Variants in DPP6 observed in about 807,000 individuals in gnomAD.
DPP6 encodes the protein dipeptidyl peptidase like 6.
Under a neutral mutation model 122.6 loss-of-function variants are expected in DPP6, and 69 were observed. That is an observed-to-expected ratio of 0.56 (90% CI 0.46 to 0.69). The LOEUF is 0.69. Ranked by LOEUF, DPP6 falls within the 30% of genes least tolerant of loss-of-function variation. The probability of loss-of-function intolerance (pLI) is 0.00; values close to 1 mark genes in which losing one functional copy is unlikely to be tolerated. For synonymous variants in DPP6, 418 were observed against 433.1 expected, an observed-to-expected ratio of 0.97 and a Z score of 0.43; for missense variants, 928 against 1,116.9, an observed-to-expected ratio of 0.83 and a Z score of 2.41.
intron 6 of DPP6, among the ~76,000 whole-genome samples, chr7:154,644,824 G>T (rs369531143): frequency 1.1e-4 from 16 of 148,486 alleles, no homozygotes; most frequent in African/African-American, 3.7e-4. Flanking sequence ...TTCTTCTACC[G>T]CAGCCTCCTG....
intron 1 of DPP6, among the ~76,000 whole-genome samples, chr7:154,287,687 C>G (rs1355416144): frequency 1.3e-5 from 2 of 152,210 alleles, no homozygotes; most frequent in African/African-American, 4.8e-5. Context: ...CTCGGCCACA[C>G]TTCTGAGATT....
In DPP6 at chr7:154,060,563, G is replaced by T. The variant is rs1221487676; in HGVS notation, c.243+7500G>T. 1.5e-5 allele frequency among the ~76,000 whole-genome samples: 2 copies of T among 136,224 alleles called. 1 individual carries two copies. Among genetic ancestry groups the T allele is most frequent in the African/African-American group, 5.8e-5 (2 of 34,274 alleles). 89.4% of individuals were successfully genotyped at this position (136,224 alleles called of 152,430 possible). On this transcript the variant is annotated intron_variant, in intron 1 of 25. Coordinates refer to ENST00000377770, the MANE Select transcript of DPP6 (RefSeq NM_130797.4). The stretch of plus-strand genomic sequence containing the variant: ...AGTAGAAAGTTCAAATCTTCCGACG[G>T]CAGGTACCTTACGTGGGATTACTGA...
At chr7:154,725,230 C>T (rs1196430641) in intron 7 of DPP6, among the ~76,000 whole-genome samples, 9 of 152,134 alleles carry the variant, frequency 5.9e-5, no homozygotes, top group Admixed American at 2.0e-4. Flanking sequence ...TGTCCCAGCC[C>T]GTCAATCTTA....
chr7:153,775,505 A>C, the DPP6 span, among the ~76,000 whole-genome samples: 1 of 151,946 alleles, frequency 6.6e-6, no homozygotes, highest in South Asian at 2.1e-4. Context: ...ATCATACTAG[A>C]AGTCCTAGTT....
chr7:153,838,647 G>A, the DPP6 span, among the ~76,000 whole-genome samples: 7 of 152,164 alleles, frequency 4.6e-5, no homozygotes, highest in African/African-American at 7.2e-5. Flanking sequence ...GTGAAATAGC[G>A]TATAGTAAGT....
the DPP6 span, among the ~76,000 whole-genome samples, chr7:153,803,913 G>C: frequency 5.3e-5 from 8 of 151,254 alleles, no homozygotes; most frequent in Admixed American, 5.3e-4. Context: ...TTCTTTGAAG[G>C]ACCCTAATAC....
intron 1 of DPP6, among the ~76,000 whole-genome samples, chr7:154,163,389 G>A (rs1017724205): frequency 2.0e-5 from 3 of 152,140 alleles, no homozygotes; most frequent in African/African-American, 7.2e-5. Flanking sequence ...GCTTTTTGTT[G>A]TAATTGTTTT....
intron 7 of DPP6, among the ~76,000 whole-genome samples, chr7:154,672,845 G>A (rs375896796): frequency 3.9e-5 from 6 of 152,186 alleles, no homozygotes; most frequent in Non-Finnish European, 5.9e-5. Context: ...ATAGTTTCTA[G>A]CACAATGACT....
chr7:153,903,684 G>A (rs956273897), intron 1 of DPP6, among the ~76,000 whole-genome samples: 1 of 152,154 alleles, frequency 6.6e-6, no homozygotes, highest in African/African-American at 2.4e-5. Context: ...AAGCTTATCC[G>A]ATGTTTCCAT....
chr7:154,642,933 A>G (rs186851202), intron 6 of DPP6, among the ~76,000 whole-genome samples: 1 of 152,346 alleles, frequency 6.6e-6, no homozygotes, highest in East Asian at 1.9e-4. Context: ...GATATATGCA[A>G]AACACCCAGC....
intron 7 of DPP6, among the ~76,000 whole-genome samples, chr7:154,726,429 C>G (rs1417415546): frequency 6.6e-6 from 1 of 152,246 alleles, no homozygotes; most frequent in Non-Finnish European, 1.5e-5. Flanking sequence ...GTGGAAGCCA[C>G]CAAGACTTGG....
Position 154,877,341 on chromosome 7 carries a change from G to A in DPP6, c.2078+1241G>A, listed in dbSNP as rs1032249140. 2.6e-5 allele frequency among the ~76,000 whole-genome samples: 4 copies of A among 152,094 alleles called. No individual in the cohort carries two copies. Among genetic ancestry groups the A allele is most frequent in the Non-Finnish European group, 4.4e-5 (3 of 68,014 alleles). On this transcript the variant is annotated intron_variant, in intron 20 of 25. Transcript: ENST00000377770. The surrounding 1 kb of genome is among the most constrained non-coding windows in gnomAD (Gnocchi z 5.2). ...AGCTCTCAGGACTCAGATACTCAGG[G>A]AAGGAGTGTCTGCCAGGATGCCTTT...
chr7:154,008,786 C>T lies in DPP6; in HGVS notation c.51+121052C>T, dbSNP rs1236488710. The stretch of plus-strand genomic sequence containing the variant: ...ACGCCATTCTCCTGCCTCAGCCTCC[C>T]GAGTAGCTGGGACTACAGGCGCCCG... On this transcript the variant is annotated intron_variant, in intron 1 of 25. Transcript: ENST00000404039. Among the ~76,000 whole-genome samples the T allele has an allele frequency of 2.2e-3, 335 of 150,880 alleles. 2 individuals carry two copies. Among genetic ancestry groups the T allele is most frequent in the African/African-American group, 7.5e-3 (311 of 41,242 alleles).
intron 1 of DPP6, among the ~76,000 whole-genome samples, chr7:154,335,469 A>G (rs981381641): frequency 3.9e-5 from 6 of 152,250 alleles, no homozygotes; most frequent in Admixed American, 2.6e-4. Flanking sequence ...ACACACAACT[A>G]ACCTATAAAC....
chr7:154,333,311 A>T (rs974696652), intron 1 of DPP6, among the ~76,000 whole-genome samples: 4 of 152,044 alleles, frequency 2.6e-5, no homozygotes, highest in Non-Finnish European at 2.9e-5. Context: ...GGCAGTCTTT[A>T]ATGTGAAAGG....
chr7:154,133,029 G>T (rs971361682), intron 1 of DPP6, among the ~76,000 whole-genome samples: 17 of 151,928 alleles, frequency 1.1e-4, no homozygotes, highest in Non-Finnish European at 2.4e-4. Flanking sequence ...ATCGTTGTCC[G>T]TTGGATTCAT....
intron 1 of DPP6, among the ~76,000 whole-genome samples, chr7:154,044,781 G>C (rs776831890): frequency 2.4e-4 from 36 of 152,158 alleles, no homozygotes; most frequent in Non-Finnish European, 4.9e-4. Context: ...AACTTTAAAT[G>C]TTTATTAACT....
intron 1 of DPP6, among the ~76,000 whole-genome samples, chr7:154,242,167 A>C (rs1208760537): frequency 1.3e-5 from 2 of 152,172 alleles, no homozygotes; most frequent in Non-Finnish European, 2.9e-5. Context: ...GCACCTTTGA[A>C]ATGTTATCCA....
At chr7:154,396,007 A>T (rs1298453980) in intron 1 of DPP6, among the ~76,000 whole-genome samples, 1 of 151,474 alleles carries the variant, frequency 6.6e-6, no homozygotes, top group Non-Finnish European at 1.5e-5. Context: ...TTCTGCATCA[A>T]TTGAGATTAT....
Sources: allele counts gnomAD v4.1 joint callset (sites outside exome capture counted in the v4.1 genomes callset), GRCh38; gene constraint gnomAD v4.1.1; non-coding constraint Gnocchi (gnomAD v3.1); transcripts MANE v1.5; gene names NCBI Gene and HGNC (gene_info 2026-07-23, HGNC 2026-07-21).